Variants in SYNE2 observed in about 807,000 individuals in gnomAD.
SYNE2 encodes the protein nesprin-2.
A neutral mutation model predicts 856.3 loss-of-function variants in SYNE2; 431 were observed. The ratio of observed to expected loss-of-function variants is 0.50; its 90% confidence interval spans 0.47 to 0.55. The LOEUF is 0.55. Ranked by LOEUF, SYNE2 falls within the 20% of genes least tolerant of loss-of-function variation. The pLI, the probability that SYNE2 is intolerant of heterozygous loss-of-function variation, is 0.00. For synonymous variants in SYNE2, 2,923 were observed against 2,872.3 expected (o/e 1.02, Z -0.56); for missense variants, 8,129 against 8,023.2 (o/e 1.01, Z -0.50).
At position 64,090,846 on chromosome 14, in the gene SYNE2, G is replaced by T. The variant is rs773819964; in HGVS notation, c.11794-20G>T. On this transcript the variant is annotated intron_variant, in intron 59 of 115. Transcript: ENST00000555002. ...CATTGTCTTTTCATTTCTGTAACAT[G>T]CTCCTCTTATATAATTAAGGTCATA... is the stretch of plus-strand genomic sequence containing the variant. The T allele has an allele frequency of 4.4e-6, 7 of 1,606,166 alleles. No individual in the cohort carries two copies. Among genetic ancestry groups the T allele is most frequent in the South Asian group, 1.1e-5 (1 of 90,338 alleles).
At chr14:64,215,140 A>G in intron 106 of SYNE2, 146 bp from the exon 107 acceptor site, 2 of 800,364 alleles carry the variant, frequency 2.5e-6, no homozygotes, top group East Asian at 2.7e-5. Context: ...GGAAAAAAAA[A>G]TCTTTCTGGT....
chr14:64,129,830 G>T lies in SYNE2; in HGVS notation c.14068G>T (p.Ala4690Ser). 1 of 1,614,168 alleles carries T rather than the reference G, an allele frequency of 6.2e-7. No homozygotes were observed. The highest frequency in any genetic ancestry group is 8.5e-7 in the Non-Finnish European group (1 of 1,180,036). ...GCTGGAGAACGCCGAGAGCCGAGTG[G>T]CCAAACTAAGAGATGAAGGGGAGAG... ...VELENAESRV[A>S]KLRDEGERLH... is the part of the protein sequence containing the mutation. Residue 4690 changes from alanine to serine, a missense_variant, in exon 75 of 116, where the codon GCC (alanine) becomes TCC (serine). This residue lies in a region of SYNE2 where 5,410 missense variants were observed against 5,284.8 expected (regional missense o/e 1.02). Transcript: ENST00000555002.
chr14:63,912,936 C>G (rs778426126), intron 2 of SYNE2, among the ~76,000 whole-genome samples: 3 of 151,986 alleles, frequency 2.0e-5, no homozygotes, highest in Non-Finnish European at 4.4e-5. Flanking sequence ...TTGAGGGTAC[C>G]CTCCCTCTTT....
At chr14:64,020,287 T>C (rs2096926890) in intron 35 of SYNE2, among the ~76,000 whole-genome samples, 194 bp downstream of exon 35, 1 of 152,194 alleles carries the variant, frequency 6.6e-6, no homozygotes. Context: ...AAGAATTGTC[T>C]TGGGCCACAC....
chr14:63,815,159 C>CATATATATATCCACATATATATCCAT (rs200196902), intron 1 of SYNE2, among the ~76,000 whole-genome samples: 1 of 70,804 alleles, frequency 1.4e-5, no homozygotes, highest in South Asian at 4.5e-4. Flanking sequence ...CATATATATC[C>CATATATATATCCACATATATATCCAT]ATATATATCC....
chr14:63,777,260 T>C (rs1887146105), intron 1 of SYNE2, among the ~76,000 whole-genome samples: 1 of 152,252 alleles, frequency 6.6e-6, no homozygotes, highest in Admixed American at 6.5e-5. Flanking sequence ...AGTCTTGCAA[T>C]TCAGAGCAAG....
At chr14:64,141,579 C>G (rs1019628583) in intron 81 of SYNE2, 56 bp downstream of exon 81, 40 of 1,560,286 alleles carry the variant, frequency 2.6e-5, no homozygotes, top group Admixed American at 8.4e-5. Flanking sequence ...GCTCATAACT[C>G]TTTTAAAATT....
chr14:64,205,041 C>T (rs2098598629), intron 100 of SYNE2, among the ~76,000 whole-genome samples: 1 of 152,210 alleles, frequency 6.6e-6, no homozygotes, highest in African/African-American at 2.4e-5. Flanking sequence ...ACATCTCCCT[C>T]TAGCTGACTC....
chr14:64,163,399 C>T lies in SYNE2; in HGVS notation c.16300-3C>T, dbSNP rs373962691. On this transcript the variant is annotated splice_region_variant and splice_polypyrimidine_tract_variant and intron_variant, in intron 88 of 115. Transcript: ENST00000555002. ...GTGTTTGCCATCCCTTTTTCTTCTGCAGGAGCTGCAGCATGATGTGCAGAA... is the reference window on the plus strand; with the variant it reads ...GTGTTTGCCATCCCTTTTTCTTCTGTAGGAGCTGCAGCATGATGTGCAGAA... The T allele has an allele frequency of 1.4e-5, 22 of 1,613,634 alleles. No homozygotes were observed. The African/African-American group carries it at 2.5e-4, about 19-fold the overall frequency.
chr14:64,143,594 T>A (rs917076391), intron 82 of SYNE2, among the ~76,000 whole-genome samples, 178 bp from the exon 83 acceptor site: 2 of 152,060 alleles, frequency 1.3e-5, no homozygotes, highest in Admixed American at 6.6e-5. Flanking sequence ...CCCAAAAGAA[T>A]CCCTACTCCA....
At position 64,163,398 on chromosome 14, in the gene SYNE2, G is replaced by T; in HGVS notation, c.16300-4G>T. On this transcript the variant is annotated splice_region_variant and splice_polypyrimidine_tract_variant and intron_variant, in intron 88 of 115. Transcript: ENST00000555002. The stretch of plus-strand genomic sequence containing the variant: ...GGTGTTTGCCATCCCTTTTTCTTCT[G>T]CAGGAGCTGCAGCATGATGTGCAGA... 1 of 1,613,704 alleles carries T rather than the reference G, an allele frequency of 6.2e-7. No individual in the cohort carries two copies. Among genetic ancestry groups the T allele is most frequent in the Non-Finnish European group, 8.5e-7 (1 of 1,180,020 alleles).
At chr14:63,916,807 G>A (rs1377708732) in intron 2 of SYNE2, among the ~76,000 whole-genome samples, 1 of 152,146 alleles carries the variant, frequency 6.6e-6, no homozygotes, top group Non-Finnish European at 1.5e-5. Flanking sequence ...CTTCTCGGCT[G>A]GTGCAGTGGC....
chr14:64,180,170 C>T (rs560316895), intron 96 of SYNE2, among the ~76,000 whole-genome samples: 1 of 152,286 alleles, frequency 6.6e-6, no homozygotes, highest in South Asian at 2.1e-4. Context: ...ATTTGTTTCT[C>T]AGTTCTCTGT....
chr14:63,967,837 C>T lies in SYNE2; in HGVS notation c.1119C>T (p.Leu373=), dbSNP rs1480808285. Reference sequence around the variant, plus strand: ...AGTTGAGAGAAGCCTGGGATGGCCTCGATCACCAGGTGACTGTTTGTGTTG... The same window carrying T: ...AGTTGAGAGAAGCCTGGGATGGCCTTGATCACCAGGTGACTGTTTGTGTTG... The part of the protein sequence containing the change: ...HLQLREAWDG[L]DHQINAWKIK... The change falls in exon 11 of 116, where the codon CTC becomes CTT. Residue 373 remains leucine, a synonymous_variant. Transcript: ENST00000555002. The T allele has an allele frequency of 1.1e-5, 18 of 1,613,826 alleles. No homozygotes were observed. The Admixed American group carries it at 1.2e-4, about 10-fold the overall frequency.
intron 11 of SYNE2, among the ~76,000 whole-genome samples, chr14:63,974,886 G>GTATATATATA (rs1315971121): frequency 6.5e-4 from 17 of 26,284 alleles, no homozygotes; most frequent in East Asian, 1.4e-3. Flanking sequence ...GTGTGTGTGT[G>GTATATATATA]TGTGTGTATA....
At position 64,210,096 on chromosome 14, in the gene SYNE2, G is replaced by A. The variant is rs549549436; in HGVS notation, c.18695G>A (p.Arg6232Gln). The change falls in exon 103 of 116, where the codon CGG becomes CAG. Residue 6232 changes from arginine (R) to glutamine (Q), a missense_variant. Physicochemically the swap from Arg to Gln is conservative, Grantham distance 43 (BLOSUM62 1). Coordinates refer to ENST00000555002, the MANE Select transcript of SYNE2 (RefSeq NM_182914.3). ...GNQRWDNLQRRVTAVLRRLRH... is the reference protein window; with the variant it reads ...GNQRWDNLQRQVTAVLRRLRH... Reference sequence around the variant, plus strand: ...CAGCGCTGGGACAACCTTCAGAGGCGGGTCACAGCCGTCCTGCGGAGACTC... The same window carrying A: ...CAGCGCTGGGACAACCTTCAGAGGCAGGTCACAGCCGTCCTGCGGAGACTC... 11 of 1,613,930 alleles carry A rather than the reference G, an allele frequency of 6.8e-6. No homozygotes were observed. Among genetic ancestry groups the A allele is most frequent in the Admixed American group, 6.7e-5 (4 of 60,022 alleles).
At chr14:63,834,995 T>G (rs1275751063) in intron 1 of SYNE2, among the ~76,000 whole-genome samples, 1 of 152,144 alleles carries the variant, frequency 6.6e-6, no homozygotes, top group Non-Finnish European at 1.5e-5. Flanking sequence ...AAATGTAGCA[T>G]TTGTGGAGTT....
chr14:63,798,894 T>C (rs1302087236), intron 1 of SYNE2, among the ~76,000 whole-genome samples: 1 of 152,148 alleles, frequency 6.6e-6, no homozygotes, highest in Non-Finnish European at 1.5e-5. Context: ...TGTTCGCTTG[T>C]CCAAATGGGT....
intron 45 of SYNE2, among the ~76,000 whole-genome samples, chr14:64,038,857 GGGGAGAGGGAGAGGGAGA>G (rs138345804): frequency 0.76 from 114,938 of 151,456 alleles, 45,662 homozygotes; most frequent in Non-Finnish European, 0.88. Context: ...GGGAGACCGT[GGGGAGAGGGAGAGGGAGA>G]GGGAGAGGGA....
Sources: gnomAD v4.1 joint callset for allele counts (sites outside exome capture counted in the v4.1 genomes callset) on GRCh38, gnomAD v4.1.1 for gene constraint, gnomAD v4.1.1 regional missense constraint, MANE v1.5 for transcripts, NCBI Gene and HGNC (gene_info 2026-07-23, HGNC 2026-07-21) for gene names.